The following MFN1 variants were observed in gnomAD, a reference collection of about 807,000 sequenced individuals.
The protein encoded by MFN1 is mitofusin 1.
MFN1 carries 65 observed loss-of-function variants against 92.4 expected under a neutral mutation model. The ratio of observed to expected loss-of-function variants is 0.70; its 90% CI spans 0.58 to 0.86. MFN1 has a LOEUF of 0.86. Among genes scored for constraint, MFN1 ranks in the 40% least tolerant of loss-of-function variants. The pLI is 0.00. For missense variants in MFN1, 781 were observed against 868.0 expected, an observed-to-expected ratio of 0.90 and a Z score of 1.26; for synonymous variants, 297 against 300.9, an observed-to-expected ratio of 0.99 and a Z score of 0.13.
At chr3:179,381,645 TAG>T (rs1466738967) in intron 14 of MFN1, among the ~76,000 whole-genome samples, 1 of 152,234 alleles carries the variant, frequency 6.6e-6, no homozygotes, top group Non-Finnish European at 1.5e-5. Context: ...CAAACAACCA[TAG>T]AGTGTTCACA....
chr3:179,390,825 T>C (rs1363313809), intron 17 of MFN1, among the ~76,000 whole-genome samples: 25 of 152,216 alleles, frequency 1.6e-4, no homozygotes. Flanking sequence ...AAATTGCCTG[T>C]GTAAGAACAG....
At chr3:179,364,487 C>A in intron 6 of MFN1, 82 bp downstream of exon 6, 1 of 1,126,320 alleles carries the variant, frequency 8.9e-7, no homozygotes, top group Non-Finnish European at 1.3e-6. Flanking sequence ...AAGGGAAATC[C>A]ATATCGTGGA....
intron 16 of MFN1, among the ~76,000 whole-genome samples, chr3:179,389,579 T>C (rs1713823687): frequency 6.6e-6 from 1 of 152,208 alleles, no homozygotes. Context: ...AAAGTTAATA[T>C]ATGAATTAGC....
In MFN1 at chr3:179,385,569, C is replaced by G. The variant is rs1560201080; in HGVS notation, c.1663C>G (p.Leu555Val). ...TTTCCTTTCTCTTTTTTTTTGGCAG[C>G]TCCCTAGATCTTTAGCTTCTACTCC... ...LLGLSEPIFQLPRSLASTPTA... is the reference protein window; with the variant it reads ...LLGLSEPIFQVPRSLASTPTA... The change falls in exon 15 of 18, where the codon CTC becomes GTC. Residue 555 changes from leucine to valine, a missense_variant and splice_region_variant. Transcript: ENST00000471841. The G allele has an allele frequency of 7.7e-6, 12 of 1,548,988 alleles. No individual in the cohort carries two copies. The highest frequency in any genetic ancestry group is 1.0e-5 in the Non-Finnish European group (12 of 1,156,774).
intron 7 of MFN1, among the ~76,000 whole-genome samples, chr3:179,366,052 C>G (rs527737204): frequency 1.4e-4 from 21 of 152,090 alleles, no homozygotes; most frequent in Non-Finnish European, 3.1e-4. Context: ...CAGTTTTGAC[C>G]TCAATGGGAT....
At chr3:179,361,216 G>A (rs574380823) in intron 4 of MFN1, among the ~76,000 whole-genome samples, 3 of 152,134 alleles carry the variant, frequency 2.0e-5, no homozygotes, top group East Asian at 1.9e-4. Context: ...CAAACTTCTC[G>A]TGACTTCAGA....
chr3:179,358,155 T>G (rs543069660), intron 3 of MFN1, among the ~76,000 whole-genome samples: 4 of 145,730 alleles, frequency 2.7e-5, no homozygotes, highest in Admixed American at 6.8e-5. Context: ...ATTTTGTTTT[T>G]TTTTTTTTTT....
rs1259342431 is a variant in MFN1, at chr3:179,386,630, G to A, written c.2012+1G>A. 1 of 1,603,574 alleles carries A rather than the reference G, an allele frequency of 6.2e-7. No individual in the cohort carries two copies. The highest frequency in any genetic ancestry group is 2.2e-5 in the East Asian group (1 of 44,714). ...CAAACTGCAGTCACCAAGTAAAACAGTAAGTTGGAAGGTGCATCTTTCCTT... is the reference window on the plus strand; with the variant it reads ...CAAACTGCAGTCACCAAGTAAAACAATAAGTTGGAAGGTGCATCTTTCCTT... On this transcript the variant is annotated splice_donor_variant, in intron 16 of 17. Transcript: ENST00000471841. LOFTEE classifies it high-confidence loss of function.
At chr3:179,388,412 T>C (rs1446127256) in intron 16 of MFN1, among the ~76,000 whole-genome samples, 2 of 152,206 alleles carry the variant, frequency 1.3e-5, no homozygotes, top group African/African-American at 4.8e-5. Flanking sequence ...TTATAACATA[T>C]ACCTAAGTCC....
chr3:179,378,561 G>A lies in MFN1; in HGVS notation c.1433-24G>A. On this transcript the variant is annotated intron_variant, in intron 13 of 17. Transcript: ENST00000471841. ...AAAACATTTACCATTCTTATCTTAAGTGTTGTAATTTTGTTCTTTCTAGAA... is the reference window on the plus strand; with the variant it reads ...AAAACATTTACCATTCTTATCTTAAATGTTGTAATTTTGTTCTTTCTAGAA... The A allele has an allele frequency of 1.9e-6, 3 of 1,572,926 alleles. No individual in the cohort carries two copies. The South Asian group carries it at 3.4e-5, about 18-fold the overall frequency.
chr3:179,353,077 CAG>C (rs1712213443), intron 3 of MFN1, among the ~76,000 whole-genome samples: 2 of 110,170 alleles, frequency 1.8e-5, no homozygotes, highest in Admixed American at 1.0e-4. Flanking sequence ...TTTTTTGAGA[CAG>C]AGTCTCAGTC....
Position 179,378,619 on chromosome 3 carries a change from G to C in MFN1, c.1467G>C (p.Gln489His), listed in dbSNP as rs757719591. 1 of 1,613,108 alleles carries C rather than the reference G, an allele frequency of 6.2e-7. No individual in the cohort carries two copies. The highest frequency in any genetic ancestry group is 1.1e-5 in the South Asian group (1 of 90,918). Reference protein sequence around the residue: ...NLKPLLPAGIQDKLHTLIPCK... With the variant: ...NLKPLLPAGIHDKLHTLIPCK... ...AGCCATTACTTCCAGCTGGTATACA[G>C]GATAAACTACATACACTGATCCCTT... The change falls in exon 14 of 18, where the codon CAG (glutamine) becomes CAC (histidine). Residue 489 changes from glutamine to histidine, a missense_variant. Gln to His is a conservative substitution (Grantham distance 24). Coordinates refer to ENST00000471841, the MANE Select transcript of MFN1 (RefSeq NM_033540.3).
chr3:179,394,602 A>T lies in MFN1; in HGVS notation c.*2543A>T, dbSNP rs1425761668. The T allele has an allele frequency of 4.6e-5, 7 of 151,384 alleles. No individual in the cohort carries two copies. The highest frequency in any genetic ancestry group is 3.3e-4 in the Admixed American group (5 of 15,182). The allele number at this position is 151,384 out of a possible 1,614,324, so 9.4% of individuals were successfully genotyped here. ...GGCTAATTTTTTGTATTTTTAGTAGAGACGGGGTTTCACCGTGTTAGCCAG... is the reference window on the plus strand; with the variant it reads ...GGCTAATTTTTTGTATTTTTAGTAGTGACGGGGTTTCACCGTGTTAGCCAG... On this transcript the variant is annotated 3_prime_UTR_variant, in exon 18 of 18. Transcript: ENST00000471841.
At chr3:179,367,942 A>G (rs1207524663) in intron 8 of MFN1, 94 bp from the exon 9 acceptor site, 1 of 523,350 alleles carries the variant, frequency 1.9e-6, no homozygotes, top group Non-Finnish European at 2.7e-6. Context: ...AAGTATATAT[A>G]TATATATATA....
rs1466175004 is a variant in MFN1 at position 179,358,916 on chromosome 3, A to G, written c.325A>G (p.Thr109Ala). 3 of 1,614,056 alleles carry G rather than the reference A, an allele frequency of 1.9e-6. No individual in the cohort carries two copies. Among genetic ancestry groups the G allele is most frequent in the South Asian group, 2.2e-5 (2 of 91,078 alleles). ...KVLPSGIGHITNCFLSVEGTD... is the reference protein window; with the variant it reads ...KVLPSGIGHIANCFLSVEGTD... Reference sequence around the variant, plus strand: ...TCTCCCTAGTGGGATTGGCCATATAACCAATTGCTTCCTAAGTGTTGAAGG... The same window carrying G: ...TCTCCCTAGTGGGATTGGCCATATAGCCAATTGCTTCCTAAGTGTTGAAGG... The change falls in exon 4 of 18, where the codon ACC becomes GCC. Residue 109 changes from threonine (T) to alanine (A), a missense_variant. Physicochemically the swap from Thr to Ala is moderately conservative, Grantham distance 58 (BLOSUM62 0). Coordinates refer to ENST00000471841, the MANE Select transcript of MFN1 (RefSeq NM_033540.3).
chr3:179,375,797 A>G (rs942397941), intron 10 of MFN1, among the ~76,000 whole-genome samples: 2 of 152,182 alleles, frequency 1.3e-5, no homozygotes, highest in African/African-American at 4.8e-5. Context: ...AGGCGATGCT[A>G]CCTGCCAACC....
intron 15 of MFN1, 123 bp downstream of exon 15, chr3:179,385,844 A>ATTTGCAGG (rs1168836463): frequency 1.5e-5 from 14 of 952,836 alleles, no homozygotes; most frequent in African/African-American, 1.2e-4. Flanking sequence ...TAGTATGAAA[A>ATTTGCAGG]TTTGCAGGTT....
Position 179,382,466 on chromosome 3 carries a change from T to C in MFN1, c.1663-3103T>C, listed in dbSNP as rs1317522760. Among the ~76,000 whole-genome samples the C allele has an allele frequency of 5.3e-5, 8 of 152,252 alleles. 1 individual carries two copies. The highest frequency in any genetic ancestry group is 4.6e-4 in the Admixed American group (7 of 15,282). Reference sequence around the variant, plus strand: ...TGTGCCACATTTTCTTAATCCAGTCTATCATTGTTGGACATTTGGGTTGGT... The same window carrying C: ...TGTGCCACATTTTCTTAATCCAGTCCATCATTGTTGGACATTTGGGTTGGT... On this transcript the variant is annotated intron_variant, in intron 14 of 17. Transcript: ENST00000471841.
intron 12 of MFN1, 85 bp downstream of exon 12, chr3:179,377,533 T>C (rs1713289373): frequency 3.8e-6 from 3 of 794,480 alleles, no homozygotes; most frequent in Admixed American, 5.0e-5. Context: ...GGCATTTCAG[T>C]GTATCAGTAC....
Sources: gnomAD v4.1 joint callset for allele counts (sites outside exome capture counted in the v4.1 genomes callset) on GRCh38, gnomAD v4.1.1 for gene constraint, MANE v1.5 for transcripts, NCBI Gene and HGNC (gene_info 2026-07-23, HGNC 2026-07-21) for gene names.